Variants in TFIP11 observed in about 807,000 individuals in gnomAD.
TFIP11 encodes the protein tuftelin interacting protein 11.
TFIP11 carries 86 observed loss-of-function variants against 96.8 expected under a neutral mutation model. That is an observed-to-expected ratio of 0.89 (90% confidence interval 0.75 to 1.06). TFIP11 has a LOEUF of 1.06. Among genes scored for constraint, TFIP11 ranks in the 50% least tolerant of loss-of-function variants. The pLI, the probability that TFIP11 is intolerant of heterozygous loss-of-function variation, is 0.00. For synonymous variants in TFIP11, 405 were observed against 395.2 expected, an observed-to-expected ratio of 1.02 and a Z score of -0.29; for missense variants, 881 against 1,076.7, an observed-to-expected ratio of 0.82 and a Z score of 2.54.
intron 6 of TFIP11, among the ~76,000 whole-genome samples, chr22:26,505,584 G>C (rs1396128912): frequency 6.6e-6 from 1 of 152,116 alleles, no homozygotes; most frequent in African/African-American, 2.4e-5. Flanking sequence ...ATCGTCCCAG[G>C]AGCAGTTCTC....
chr22:26,509,192 C>T (rs1158547759), intron 4 of TFIP11, among the ~76,000 whole-genome samples: 1 of 152,186 alleles, frequency 6.6e-6, no homozygotes, highest in Non-Finnish European at 1.5e-5. Flanking sequence ...ACTATGCTAC[C>T]CTTCCCCCTC....
At chr22:26,499,018 G>A (rs5761566) in intron 9 of TFIP11, 43 bp from the exon 10 acceptor site, 1 of 1,611,468 alleles carries the variant, frequency 6.2e-7, no homozygotes, top group East Asian at 2.2e-5. Flanking sequence ...GGGCTCTCCA[G>A]CCCTCCCTGC....
At chr22:26,498,628 C>A in intron 10 of TFIP11, 1 of 417,086 alleles carries the variant, frequency 2.4e-6, no homozygotes, top group South Asian at 3.6e-5. Flanking sequence ...CAAATCACCA[C>A]TAAAGAACTT....
intron 11 of TFIP11, 87 bp downstream of exon 11, chr22:26,496,634 T>C: frequency 1.3e-6 from 2 of 1,495,146 alleles, no homozygotes; most frequent in South Asian, 2.5e-5. Context: ...TTCCAGGCGT[T>C]TTAACAGCAC....
chr22:26,492,470 G>C (rs1160604532), intron 14 of TFIP11, 102 bp from the exon 15 acceptor site: 12 of 1,067,174 alleles, frequency 1.1e-5, no homozygotes, highest in Non-Finnish European at 1.5e-5. Context: ...GAGTGCTTGT[G>C]ACTCACTGAA....
chr22:26,497,038 G>A lies in TFIP11; in HGVS notation c.1437-149C>T. 3 of 921,914 alleles carry A rather than the reference G, an allele frequency of 3.3e-6. No homozygotes were observed. The East Asian group carries it at 7.9e-5, about 24-fold the overall frequency. 57.1% of individuals were successfully genotyped at this position (921,914 alleles called of 1,614,324 possible). On this transcript the variant is annotated intron_variant, in intron 10 of 14. Coordinates refer to ENST00000407690, the MANE Select transcript of TFIP11 (RefSeq NM_012143.4). Reference sequence around the variant, plus strand: ...AAACCATCAGGCCAGTCACCATACTGGCCAGACTGAGCCTGCCTCTTCCTT... The same window carrying A: ...AAACCATCAGGCCAGTCACCATACTAGCCAGACTGAGCCTGCCTCTTCCTT...
In TFIP11 at chr22:26,501,975, G is replaced by C; in HGVS notation, c.726C>G (p.Thr242=). 2 of 1,613,694 alleles carry C rather than the reference G, an allele frequency of 1.2e-6. No individual in the cohort carries two copies. Among genetic ancestry groups the C allele is most frequent in the Non-Finnish European group, 1.7e-6 (2 of 1,179,952 alleles). Residue 242 remains threonine (T), a synonymous_variant, in exon 8 of 15, where the codon ACC becomes ACG. Transcript: ENST00000407690. The part of the protein sequence containing the change: ...SKKKPKYSYK[T]VEELKAKGRI... ...TGCCCTTGGCCTTCAACTCTTCCAC[G>C]GTCTTGTAAGAGTATTTGGGCTTCT...
intron 7 of TFIP11, 121 bp from the exon 8 acceptor site, chr22:26,502,173 T>C (rs758592988): frequency 2.1e-5 from 27 of 1,277,348 alleles, no homozygotes; most frequent in Non-Finnish European, 2.7e-5. Flanking sequence ...ACAAGCTCTA[T>C]ATGAAGGAAG....
intron 10 of TFIP11, among the ~76,000 whole-genome samples, chr22:26,497,528 A>G (rs1399391299): frequency 2.0e-5 from 3 of 152,254 alleles, no homozygotes; most frequent in East Asian, 1.9e-4. Flanking sequence ...TTAGAGAACT[A>G]AAAGTACAAC....
At position 26,494,007 on chromosome 22, in the gene TFIP11, T is replaced by C. The variant is rs1921585809; in HGVS notation, c.2158+132A>G. 4.0e-5 allele frequency: 39 copies of C among 983,004 alleles called. No homozygotes were observed. In the South Asian group the frequency reaches 5.8e-4, roughly 15 times the overall value. The allele number at this position is 983,004 out of a possible 1,614,324, so 60.9% of individuals were successfully genotyped here. ...CCCCAGTCAGCAGGGTGAGAGTCTGTTGCTATGTGCAAAAGTGTGACCTAA... is the reference window on the plus strand; with the variant it reads ...CCCCAGTCAGCAGGGTGAGAGTCTGCTGCTATGTGCAAAAGTGTGACCTAA... On this transcript the variant is annotated intron_variant, in intron 14 of 14. Coordinates refer to ENST00000407690, the MANE Select transcript of TFIP11 (RefSeq NM_012143.4).
chr22:26,494,075 T>A lies in TFIP11; in HGVS notation c.2158+64A>T, dbSNP rs1921599153. On this transcript the variant is annotated intron_variant, in intron 14 of 14. Coordinates refer to ENST00000407690, the MANE Select transcript of TFIP11 (RefSeq NM_012143.4). ...GGAACCAGAAAACTCTGATTCTGTGTCATTTACATGTGTAAAATCTGAAAC... is the reference window on the plus strand; with the variant it reads ...GGAACCAGAAAACTCTGATTCTGTGACATTTACATGTGTAAAATCTGAAAC... 4 of 1,577,864 alleles carry A rather than the reference T, an allele frequency of 2.5e-6. No homozygotes were observed. In the South Asian group the frequency reaches 4.6e-5, roughly 18 times the overall value.
chr22:26,499,188 G>A lies in TFIP11; in HGVS notation c.1245C>T (p.Tyr415=), dbSNP rs1442226732. The A allele has an allele frequency of 6.2e-7, 1 of 1,613,062 alleles. No homozygotes were observed. Among genetic ancestry groups the A allele is most frequent in the Non-Finnish European group, 8.5e-7 (1 of 1,179,464 alleles). The change falls in exon 9 of 15, where the codon TAC becomes TAT. Residue 415 remains tyrosine (Y), a synonymous_variant. Transcript: ENST00000407690. ...CAAGGTCCACACGGTCGGACATCCT[G>A]TACTCCTCATAGTACTTGTCCTGCA... ...ETLQDKYYEE[Y]RMSDRVDLAV...
chr22:26,507,542 A>T (rs1313836801), intron 4 of TFIP11, among the ~76,000 whole-genome samples: 2 of 151,192 alleles, frequency 1.3e-5, no homozygotes, highest in Non-Finnish European at 2.9e-5. Flanking sequence ...AGATGGGAGG[A>T]TTGCTTGAGC....
chr22:26,496,842 T>A lies in TFIP11; in HGVS notation c.1484A>T (p.Gln495Leu). 1.2e-6 allele frequency: 2 copies of A among 1,614,180 alleles called. No homozygotes were observed. Among genetic ancestry groups the A allele is most frequent in the Non-Finnish European group, 1.7e-6 (2 of 1,180,038 alleles). Residue 495 changes from glutamine (Q) to leucine (L), a missense_variant, in exon 11 of 15, where the codon CAG becomes CTG. Gln to Leu is a moderately radical substitution (Grantham distance 113). Transcript: ENST00000407690. ...CGGGTCACAGTTCCTTGGCTGCCAC[T>A]GGGTGACAATATTTCGAACAAAAGG... The part of the protein sequence containing the change: ...WMPFVRNIVT[Q>L]WQPRNCDPMV...
In TFIP11 at chr22:26,499,357, A is replaced by T; in HGVS notation, c.1076T>A (p.Met359Lys). 6.2e-7 allele frequency: 1 copy of T among 1,614,172 alleles called. No homozygotes were observed. The highest frequency in any genetic ancestry group is 8.5e-7 in the Non-Finnish European group (1 of 1,180,018). Residue 359 changes from methionine to lysine, a missense_variant, in exon 9 of 15, where the codon ATG (methionine) becomes AAG (lysine). Transcript: ENST00000407690. ...CTCCTCGTGGTCCAGGACCTCGGTC[A>T]TCTTCTCCAGCTCGTGGAAGAGGTT... ...VVNLFHELEK[M>K]TEVLDHEERV...
chr22:26,509,300 A>G (rs1483961753), intron 4 of TFIP11, among the ~76,000 whole-genome samples: 1 of 151,962 alleles, frequency 6.6e-6, no homozygotes. Flanking sequence ...CACCCTAGTT[A>G]CCTTCTACTG....
chr22:26,503,992 C>T (rs1379022978), intron 6 of TFIP11, among the ~76,000 whole-genome samples, 199 bp from the exon 7 acceptor site: 1 of 152,166 alleles, frequency 6.6e-6, no homozygotes, highest in Non-Finnish European at 1.5e-5. Flanking sequence ...TATGCTACCA[C>T]AGAACAGTCT....
At chr22:26,494,019 A>T in intron 14 of TFIP11, 120 bp downstream of exon 14, 1 of 1,170,030 alleles carries the variant, frequency 8.5e-7, no homozygotes, top group East Asian at 2.5e-5. Flanking sequence ...GCTATGTGCA[A>T]AAGTGTGACC....
intron 6 of TFIP11, among the ~76,000 whole-genome samples, chr22:26,504,995 G>A (rs1923227812): frequency 1.3e-5 from 2 of 152,170 alleles, no homozygotes; most frequent in African/African-American, 4.8e-5. Flanking sequence ...AGAATCACTT[G>A]AACCCAGGAG....
Sources: gnomAD v4.1 joint callset for allele counts (sites outside exome capture counted in the v4.1 genomes callset) on GRCh38, gnomAD v4.1.1 for gene constraint, MANE v1.5 for transcripts, NCBI Gene and HGNC (gene_info 2026-07-23, HGNC 2026-07-21) for gene names.